Variants in SPG11 observed in about 807,000 individuals in gnomAD.
The protein encoded by SPG11 is SPG11 vesicle trafficking associated, spatacsin.
A neutral mutation model predicts 274.0 loss-of-function variants in SPG11; 222 were observed. That is an observed-to-expected ratio of 0.81 (90% CI 0.73 to 0.91). The LOEUF is 0.91. Among genes scored for constraint, SPG11 ranks in the 40% least tolerant of loss-of-function variants. The probability of loss-of-function intolerance (pLI) is 0.00; values close to 1 mark genes in which losing one functional copy is unlikely to be tolerated. For missense variants in SPG11, 3,114 were observed against 2,872.7 expected (o/e 1.08, Z -1.92); for synonymous variants, 1,144 against 1,039.7 (o/e 1.10, Z -1.93).
chr15:44,573,406 T>A (rs1304433330), intron 32 of SPG11, 141 bp downstream of exon 32: 3 of 871,604 alleles, frequency 3.4e-6, no homozygotes, highest in Middle Eastern at 2.2e-4. Flanking sequence ...TTTTGTTTTA[T>A]TTAAACAAAA....
At position 44,622,440 on chromosome 15, in the gene SPG11, G is replaced by A. The variant is rs551946607; in HGVS notation, c.2317-93C>T. ...AGATTATCAAATAAGGTAGTGCTGG[G>A]AATTAAAGATTATTAAAAAAAGTCA... is the stretch of plus-strand genomic sequence containing the variant. On this transcript the variant is annotated intron_variant, in intron 12 of 39. Coordinates refer to ENST00000261866, the MANE Select transcript of SPG11 (RefSeq NM_025137.4). The A allele has an allele frequency of 1.7e-4, 180 of 1,058,580 alleles. 1 individual carries two copies. In the East Asian group the frequency reaches 4.4e-3, roughly 26 times the overall value. The allele number at this position is 1,058,580 out of a possible 1,614,324, so 65.6% of individuals were successfully genotyped here.
chr15:44,648,015 T>C (rs2084654286), intron 7 of SPG11, among the ~76,000 whole-genome samples: 1 of 152,216 alleles, frequency 6.6e-6, no homozygotes, highest in South Asian at 2.1e-4. Context: ...CTAGCTCCTG[T>C]CTTTATTAAC....
At chr15:44,584,907 G>A (rs2082725821) in intron 29 of SPG11, among the ~76,000 whole-genome samples, 1 of 152,182 alleles carries the variant, frequency 6.6e-6, no homozygotes. Flanking sequence ...GGGATTATAG[G>A]CATGAGCCAC....
rs1336326104 is a variant in SPG11 at position 44,615,554 on chromosome 15, A to G, written c.2847T>C (p.Phe949=). The G allele has an allele frequency of 6.2e-7, 1 of 1,614,066 alleles. No individual in the cohort carries two copies. The highest frequency in any genetic ancestry group is 1.7e-5 in the Admixed American group (1 of 60,024). ...CAAAGTCTTCCAGTTCAGATGCCAAAAAAACCCCATTCCTATGGACAGATT... is the reference window on the plus strand; with the variant it reads ...CAAAGTCTTCCAGTTCAGATGCCAAGAAAACCCCATTCCTATGGACAGATT... ...ILDKLARNGV[F]LASELEDFEC... Residue 949 remains phenylalanine, a synonymous_variant, in exon 16 of 40, where the codon TTT becomes TTC. Transcript: ENST00000261866.
intron 8 of SPG11, among the ~76,000 whole-genome samples, chr15:44,632,230 C>T (rs1449251868): frequency 2.0e-5 from 3 of 152,132 alleles, no homozygotes. Flanking sequence ...TGTCAGAAGA[C>T]CACCTTATTT....
chr15:44,610,225 T>C (rs1350029422), intron 18 of SPG11, among the ~76,000 whole-genome samples: 1 of 150,708 alleles, frequency 6.6e-6, no homozygotes, highest in African/African-American at 2.4e-5. Context: ...TTTTTAAATT[T>C]TTTTTTTGTG....
At position 44,624,285 on chromosome 15, in the gene SPG11, C is replaced by T. The variant is rs187810437; in HGVS notation, c.2245-1486G>A. 1.5e-3 allele frequency among the ~76,000 whole-genome samples: 231 copies of T among 149,968 alleles called. 1 individual carries two copies. The highest frequency in any genetic ancestry group is 5.2e-3 in the African/African-American group (212 of 40,766). ...GGAGGATTGCTTGAGCCCAAGAGTT[C>T]GAGACCAGCCTGGGCAACATAGTGA... On this transcript the variant is annotated intron_variant, in intron 11 of 39. Transcript: ENST00000261866.
intron 20 of SPG11, among the ~76,000 whole-genome samples, chr15:44,602,583 A>C (rs145931949): frequency 0.018 from 2,685 of 151,298 alleles, 46 homozygotes; most frequent in Middle Eastern, 0.044. Context: ...TATTCACGCC[A>C]TTCTCCTGCC....
chr15:44,597,316 TG>T lies in SPG11; in HGVS notation c.4002-374del, dbSNP rs2083072214. The T allele has an allele frequency of 2.2e-5, 6 of 273,374 alleles. No individual in the cohort carries two copies. The South Asian group carries it at 2.3e-4, about 10-fold the overall frequency. The allele number at this position is 273,374 out of a possible 1,614,324, so 16.9% of individuals were successfully genotyped here. On this transcript the variant is annotated intron_variant, in intron 23 of 39. Coordinates refer to ENST00000261866, the MANE Select transcript of SPG11 (RefSeq NM_025137.4). ...TACTAAAGACGGGGTTTCTCCATGT[TG>T]GTCAGGCTGGTCTTGAACTCCCAAC...
Position 44,566,865 on chromosome 15 carries a change from AT to A in SPG11, c.6754+558del, listed in dbSNP as rs927490810. On this transcript the variant is annotated intron_variant, in intron 36 of 39. Coordinates refer to ENST00000261866, the MANE Select transcript of SPG11 (RefSeq NM_025137.4). ...CAGGTGCATGCCGCCACACCTGGCT[AT>A]TTTTTTTTTGTATTTTAGTAGAGAC... is the stretch of plus-strand genomic sequence containing the variant. Among the ~76,000 whole-genome samples, 20 of 148,196 alleles carry A rather than the reference AT, an allele frequency of 1.3e-4. 1 individual carries two copies. The highest frequency in any genetic ancestry group is 6.4e-4 in the South Asian group (3 of 4,658).
intron 12 of SPG11, 176 bp from the exon 13 acceptor site, chr15:44,622,523 C>T (rs2083782471): frequency 1.3e-6 from 1 of 750,704 alleles, no homozygotes; most frequent in South Asian, 1.9e-5. Context: ...TGTATGTTAA[C>T]ACAAATTTTC....
chr15:44,563,861 G>T (rs1055657447), intron 39 of SPG11, among the ~76,000 whole-genome samples: 8 of 152,106 alleles, frequency 5.3e-5, no homozygotes, highest in Admixed American at 2.0e-4. Context: ...TAGAGGAGAG[G>T]GTGCTGGAGT....
chr15:44,598,288 G>A lies in SPG11; in HGVS notation c.3978C>T (p.Ser1326=). 6.2e-7 allele frequency: 1 copy of A among 1,613,654 alleles called. No individual in the cohort carries two copies. Residue 1326 remains serine, a synonymous_variant, in exon 23 of 40, where the codon AGC becomes AGT. Coordinates refer to ENST00000261866, the MANE Select transcript of SPG11 (RefSeq NM_025137.4). The stretch of plus-strand genomic sequence containing the variant: ...ACCTCTTTATTTCCTGTTGCTGAAT[G>A]CTGTTCCATGTACCTTCTTCTAAGA... The part of the protein sequence containing the change: ...LVLLEEGTWN[S]IQQQEIKRLS...
chr15:44,608,595 T>C lies in SPG11; in HGVS notation c.3302A>G (p.Asn1101Ser), dbSNP rs1319238194. The stretch of plus-strand genomic sequence containing the variant: ...CTTCAAACAGTTTTCATTTTCTTCA[T>C]TCTGAACAACCTAAGTAAAAAAACA... ...SPGGVSQVVQ[N>S]EENENCLKKV... Residue 1101 changes from asparagine (N) to serine (S), a missense_variant, in exon 19 of 40, where the codon AAT becomes AGT. Coordinates refer to ENST00000261866, the MANE Select transcript of SPG11 (RefSeq NM_025137.4). 2.5e-6 allele frequency: 4 copies of C among 1,613,974 alleles called. No individual in the cohort carries two copies. The South Asian group carries it at 4.4e-5, about 18-fold the overall frequency.
At chr15:44,575,321 C>T (rs998766510) in intron 30 of SPG11, 1 of 401,044 alleles carries the variant, frequency 2.5e-6, no homozygotes, top group Non-Finnish European at 4.7e-6. Context: ...TTGCCAGAGT[C>T]TTCTCTATAT....
rs201721414 is a variant in SPG11, at chr15:44,565,975, C to T, written c.6878G>A (p.Arg2293Gln). ...CTGCAGAGTTATCAACTTGGTGAGC[C>T]GCTGACAGTGCTGGGCCTGTCGCAC... is the stretch of plus-strand genomic sequence containing the variant. The part of the protein sequence containing the change: ...SCVRQAQHCQ[R>Q]LTKLITLQIH... Residue 2293 changes from arginine (R) to glutamine (Q), a missense_variant, in exon 38 of 40, where the codon CGG (arginine) becomes CAG (glutamine). Arg to Gln is a conservative substitution (Grantham distance 43). Transcript: ENST00000261866. 317 of 1,613,878 alleles carry T rather than the reference C, an allele frequency of 2.0e-4. 1 individual carries two copies. Among genetic ancestry groups the T allele is most frequent in the Non-Finnish European group, 2.3e-4 (268 of 1,180,030 alleles).
chr15:44,597,607 C>T (rs1567150175), intron 23 of SPG11, among the ~76,000 whole-genome samples: 1 of 152,170 alleles, frequency 6.6e-6, no homozygotes, highest in South Asian at 2.1e-4. Context: ...TTAGAGTACT[C>T]AGAGGCCTGG....
At position 44,605,911 on chromosome 15, in the gene SPG11, C is replaced by T. The variant is rs2083305493; in HGVS notation, c.3520+114G>A. Reference sequence around the variant, plus strand: ...TGCGAACTATTTTTCCTTTGGAATACACCTTTACTTTTAAAATAAAAATCA... The same window carrying T: ...TGCGAACTATTTTTCCTTTGGAATATACCTTTACTTTTAAAATAAAAATCA... On this transcript the variant is annotated intron_variant, in intron 20 of 39. Coordinates refer to ENST00000261866, the MANE Select transcript of SPG11 (RefSeq NM_025137.4). 7 of 927,240 alleles carry T rather than the reference C, an allele frequency of 7.5e-6. 1 individual carries two copies. In the South Asian group the frequency reaches 9.7e-5, roughly 13 times the overall value. 57.4% of individuals were successfully genotyped at this position (927,240 alleles called of 1,614,324 possible). A position where few individuals can be genotyped will look rare whatever the true frequency, so the allele number is the denominator to read the frequency against.
chr15:44,589,082 C>A (rs2082838153), intron 28 of SPG11, among the ~76,000 whole-genome samples, 170 bp downstream of exon 28: 1 of 152,154 alleles, frequency 6.6e-6, no homozygotes, highest in African/African-American at 2.4e-5. Context: ...TGTATTATTT[C>A]TTGAATATTT....
Sources: gnomAD v4.1 joint callset for allele counts (sites outside exome capture counted in the v4.1 genomes callset) on GRCh38, gnomAD v4.1.1 for gene constraint, MANE v1.5 for transcripts, NCBI Gene and HGNC (gene_info 2026-07-23, HGNC 2026-07-21) for gene names.